The following UGT1A10 variants were observed in gnomAD, a reference collection of about 807,000 sequenced individuals.
UGT1A10 encodes the protein UDP glucuronosyltransferase family 1 member A10.
UGT1A10 carries 49 observed loss-of-function variants against 45.8 expected under a neutral mutation model. The ratio of observed to expected loss-of-function variants is 1.07; its 90% CI spans 0.85 to 1.36. The LOEUF is 1.36. Among genes scored for constraint, UGT1A10 ranks in the 40% most tolerant of loss-of-function variants. The pLI, the probability that UGT1A10 is intolerant of heterozygous loss-of-function variation, is 0.00. For missense variants in UGT1A10, 745 were observed against 668.6 expected, an observed-to-expected ratio of 1.11 and a Z score of -1.26; for synonymous variants, 284 against 249.7, an observed-to-expected ratio of 1.14 and a Z score of -1.29.
At chr2:233,753,022 A>G (rs1695114886) in intron 1 of UGT1A10, among the ~76,000 whole-genome samples, 1 of 152,162 alleles carries the variant, frequency 6.6e-6, no homozygotes, top group South Asian at 2.1e-4. Context: ...GTGATTTACA[A>G]CACAAAAAAC....
rs529127963 is a variant in UGT1A10 at position 233,735,165 on chromosome 2, C to T, written c.856-31869C>T. 6.6e-5 allele frequency among the ~76,000 whole-genome samples: 10 copies of T among 152,220 alleles called. No homozygotes were observed. In the East Asian group the frequency reaches 9.6e-4, roughly 15 times the overall value. The stretch of plus-strand genomic sequence containing the variant: ...TGGGAGTCTAAGTCTCTGTGTAGGT[C>T]TCTAAGAACTTGCTTTATGAATCTA... On this transcript the variant is annotated intron_variant, in intron 1 of 4. Transcript: ENST00000344644.
intron 1 of UGT1A10, among the ~76,000 whole-genome samples, chr2:233,638,976 C>T (rs2073377365): frequency 6.6e-6 from 1 of 152,182 alleles, no homozygotes; most frequent in Non-Finnish European, 1.5e-5. Flanking sequence ...AATTACAGTA[C>T]CAAGCACCAC....
rs559752141 is a variant in UGT1A10 at position 233,711,434 on chromosome 2, T to C, written c.856-55600T>C. Among the ~76,000 whole-genome samples, 238 of 152,294 alleles carry C rather than the reference T, an allele frequency of 1.6e-3. 2 individuals are homozygous for C. The highest frequency in any genetic ancestry group is 5.3e-3 in the African/African-American group (222 of 41,578). ...TCATCAGGAGGGTGCTTAGGATGCA[T>C]ACAGTTTTAAGGGGGTTGGAGGAAT... On this transcript the variant is annotated intron_variant, in intron 1 of 4. Coordinates refer to ENST00000344644, the MANE Select transcript of UGT1A10 (RefSeq NM_019075.4).
rs1449791470 is a variant in UGT1A10 at position 233,678,850 on chromosome 2, G to T, written c.855+41473G>T. Among the ~76,000 whole-genome samples the T allele has an allele frequency of 3.3e-5, 5 of 152,124 alleles. No individual in the cohort carries two copies. In the South Asian group the frequency reaches 8.3e-4, roughly 25 times the overall value. On this transcript the variant is annotated intron_variant, in intron 1 of 4. Coordinates refer to ENST00000344644, the MANE Select transcript of UGT1A10 (RefSeq NM_019075.4). Reference sequence around the variant, plus strand: ...TGAAATACCTTATCCCCAACATTTTGTTGCTGTATCCATAATCCCTTCATG... The same window carrying T: ...TGAAATACCTTATCCCCAACATTTTTTTGCTGTATCCATAATCCCTTCATG...
At chr2:233,765,830 A>G (rs929596) in intron 1 of UGT1A10, among the ~76,000 whole-genome samples, 48,017 of 151,854 alleles carry the variant, frequency 0.32, 7,975 homozygotes, top group African/African-American at 0.41. Flanking sequence ...GAAACAGGAA[A>G]ACTTTCCTTG....
At chr2:233,699,964 G>C (rs985933821) in intron 1 of UGT1A10, among the ~76,000 whole-genome samples, 1 of 152,126 alleles carries the variant, frequency 6.6e-6, no homozygotes, top group Non-Finnish European at 1.5e-5. Flanking sequence ...AAAAATACCC[G>C]TCCCCCAACT....
intron 1 of UGT1A10, among the ~76,000 whole-genome samples, chr2:233,726,182 C>A (rs2077513267): frequency 6.6e-6 from 1 of 152,136 alleles, no homozygotes; most frequent in Admixed American, 6.6e-5. Flanking sequence ...ATAAAAATTT[C>A]TTTGGCATAT....
intron 1 of UGT1A10, among the ~76,000 whole-genome samples, chr2:233,714,482 T>C (rs1196810093): frequency 6.6e-6 from 1 of 152,180 alleles, no homozygotes; most frequent in African/African-American, 2.4e-5. Flanking sequence ...AGAATGTTTC[T>C]TGTGAAGACA....
intron 1 of UGT1A10, among the ~76,000 whole-genome samples, chr2:233,749,553 T>C (rs1486611363): frequency 6.6e-6 from 1 of 151,880 alleles, no homozygotes; most frequent in Non-Finnish European, 1.5e-5. Context: ...AACAGGCTAA[T>C]GTATTCAATA....
At chr2:233,712,747 C>T (rs1276228236) in intron 1 of UGT1A10, among the ~76,000 whole-genome samples, 3 of 152,002 alleles carry the variant, frequency 2.0e-5, no homozygotes, top group African/African-American at 7.3e-5. Context: ...TTGGATGTTC[C>T]CCAGAGCGAG....
chr2:233,712,304 GA>G, intron 1 of UGT1A10, among the ~76,000 whole-genome samples: 1 of 152,194 alleles, frequency 6.6e-6, no homozygotes, highest in African/African-American at 2.4e-5. Context: ...TGTAGATGGA[GA>G]ATCCTCAACA....
rs145403444 is a variant in UGT1A10 at position 233,729,793 on chromosome 2, A to G, written c.856-37241A>G. ...GCTCTACCCTCTGGCCCTGTCCTAC[A>G]TTTGCCATGCTTTTTCTGCTCCTTA... On this transcript the variant is annotated intron_variant, in intron 1 of 4. Coordinates refer to ENST00000344644, the MANE Select transcript of UGT1A10 (RefSeq NM_019075.4). The G allele has an allele frequency of 5.0e-6, 8 of 1,613,536 alleles. No individual in the cohort carries two copies. In the African/African-American group the frequency reaches 9.4e-5, roughly 19 times the overall value.
At chr2:233,763,415 C>T (rs1277371697) in intron 1 of UGT1A10, among the ~76,000 whole-genome samples, 1 of 152,156 alleles carries the variant, frequency 6.6e-6, no homozygotes, top group Non-Finnish European at 1.5e-5. Flanking sequence ...ATTTTTAATC[C>T]AGTCAGGCAG....
At chr2:233,758,938 C>A (rs1697023841) in intron 1 of UGT1A10, among the ~76,000 whole-genome samples, 1 of 152,234 alleles carries the variant, frequency 6.6e-6, no homozygotes, top group Non-Finnish European at 1.5e-5. Flanking sequence ...GACTTCAAAT[C>A]AGTCATCAGA....
At chr2:233,682,554 G>A (rs1475754418) in intron 1 of UGT1A10, 2 of 1,613,958 alleles carry the variant, frequency 1.2e-6, no homozygotes, top group African/African-American at 2.7e-5. Context: ...TTCAAGGAGA[G>A]AGTATGGAAC....
intron 1 of UGT1A10, among the ~76,000 whole-genome samples, chr2:233,707,115 T>A (rs2075942162): frequency 6.6e-6 from 1 of 152,098 alleles, no homozygotes; most frequent in Non-Finnish European, 1.5e-5. Flanking sequence ...CCCAAAATAC[T>A]CTGCATTAGG....
At chr2:233,693,677 C>A in intron 1 of UGT1A10, 8 of 1,614,168 alleles carry the variant, frequency 5.0e-6, no homozygotes, top group Non-Finnish European at 6.8e-6. Context: ...ATTTTATTGT[C>A]TGTTTTCAAA....
chr2:233,705,417 G>T (rs1339008416), intron 1 of UGT1A10, among the ~76,000 whole-genome samples: 2 of 152,146 alleles, frequency 1.3e-5, no homozygotes, highest in African/African-American at 4.8e-5. Context: ...TGTCTTCAGA[G>T]GTGGCTCATA....
At chr2:233,748,187 T>C (rs919383057) in intron 1 of UGT1A10, 2 of 1,565,066 alleles carry the variant, frequency 1.3e-6, no homozygotes, top group African/African-American at 2.7e-5. Flanking sequence ...GGTGCTTTTA[T>C]TTCTGCTTGT....
Sources: gnomAD v4.1 joint callset for allele counts (sites outside exome capture counted in the v4.1 genomes callset) on GRCh38, gnomAD v4.1.1 for gene constraint, MANE v1.5 for transcripts, NCBI Gene and HGNC (gene_info 2026-07-23, HGNC 2026-07-21) for gene names.